Variants in MRPS31 observed in about 807,000 individuals in gnomAD.
The protein encoded by MRPS31 is mitochondrial ribosomal protein S31.
In MRPS31, 32 loss-of-function variants were observed where a neutral mutation model predicts 43.1. The ratio of observed to expected loss-of-function variants is 0.74; its 90% confidence interval spans 0.56 to 1.00. The LOEUF (loss-of-function observed/expected upper bound fraction) is 1.00. Among genes scored for constraint, MRPS31 ranks in the 50% least tolerant of loss-of-function variants. The pLI, the probability that MRPS31 is intolerant of heterozygous loss-of-function variation, is 0.00. For missense variants in MRPS31, 437 were observed against 466.7 expected (o/e 0.94, Z 0.59); for synonymous variants, 165 against 161.6 (o/e 1.02, Z -0.16).
intron 6 of MRPS31, among the ~76,000 whole-genome samples, chr13:40,733,845 G>A (rs866741265): frequency 7.9e-5 from 12 of 151,572 alleles, no homozygotes; most frequent in Admixed American, 5.9e-4. Context: ...GGTGGTGGGC[G>A]CCTGTATGGG....
chr13:40,739,046 C>T (rs988479479), intron 6 of MRPS31, among the ~76,000 whole-genome samples: 3 of 152,322 alleles, frequency 2.0e-5, no homozygotes, highest in African/African-American at 7.2e-5. Flanking sequence ...ACCCCATTGT[C>T]TCAGCCCAAT....
chr13:40,747,489 C>A (rs1337462840), intron 6 of MRPS31, among the ~76,000 whole-genome samples: 1 of 152,130 alleles, frequency 6.6e-6, no homozygotes, highest in Non-Finnish European at 1.5e-5. Flanking sequence ...TTTTACGTTA[C>A]CCTGATACCT....
At chr13:40,765,587 AGTACCTATTATGG>A (rs1278074136) in intron 2 of MRPS31, among the ~76,000 whole-genome samples, 1 of 152,198 alleles carries the variant, frequency 6.6e-6, no homozygotes, top group African/African-American at 2.4e-5. Context: ...AGGAGGAGGA[AGTACCTATTATGG>A]GTACTGATAG....
At chr13:40,738,357 G>T (rs1879984591) in intron 6 of MRPS31, among the ~76,000 whole-genome samples, 1 of 152,068 alleles carries the variant, frequency 6.6e-6, no homozygotes, top group Non-Finnish European at 1.5e-5. Context: ...TCTACCAGAG[G>T]TACAAGGAGG....
At chr13:40,770,435 C>A (rs1387159701) in intron 1 of MRPS31, among the ~76,000 whole-genome samples, 1 of 152,238 alleles carries the variant, frequency 6.6e-6, no homozygotes, top group African/African-American at 2.4e-5. Context: ...GAAACGATAT[C>A]CTGAGTCTCC....
Position 40,751,072 on chromosome 13 carries a change from G to C in MRPS31, c.815-1791C>G, listed in dbSNP as rs561954483. Among the ~76,000 whole-genome samples the C allele has an allele frequency of 2.0e-5, 3 of 151,866 alleles. No homozygotes were observed. The South Asian group carries it at 6.2e-4, about 32-fold the overall frequency. ...TTATTTTATCTATTTTGCTTTTTCT[G>C]AATCTATTTCTATGAGCCTTTATGT... On this transcript the variant is annotated intron_variant, in intron 5 of 6. Transcript: ENST00000323563.
chr13:40,750,742 T>TTTTATA (rs1171105413), intron 5 of MRPS31, among the ~76,000 whole-genome samples: 2 of 130,850 alleles, frequency 1.5e-5, no homozygotes, highest in East Asian at 2.2e-4. Flanking sequence ...GTATCCCATT[T>TTTTATA]TATATATATA....
chr13:40,729,728 G>T, intron 6 of MRPS31, 127 bp from the exon 7 acceptor site: 4 of 637,794 alleles, frequency 6.3e-6, no homozygotes, highest in Non-Finnish European at 1.0e-5. Context: ...GACCTAGGTT[G>T]CATTTTTTTT....
rs767087446 is a variant in MRPS31 at position 40,771,159 on chromosome 13, A to G, written c.-23T>C. On this transcript the variant is annotated 5_prime_UTR_variant, in exon 1 of 7. Coordinates refer to ENST00000323563, the MANE Select transcript of MRPS31 (RefSeq NM_005830.4). ...CATCGCCGAGACACGAAATGAACCA[A>G]GAACACAACTGAAATGGTGCGTCCC... 8.8e-6 allele frequency: 14 copies of G among 1,583,812 alleles called. No individual in the cohort carries two copies. Among genetic ancestry groups the G allele is most frequent in the East Asian group, 2.3e-5 (1 of 44,260 alleles).
chr13:40,768,185 G>C (rs1229735558), intron 1 of MRPS31, among the ~76,000 whole-genome samples: 1 of 152,184 alleles, frequency 6.6e-6, no homozygotes, highest in Non-Finnish European at 1.5e-5. Context: ...GAATGTGTTA[G>C]TTTCAGTAAG....
At chr13:40,762,185 T>C (rs1032557634) in intron 2 of MRPS31, among the ~76,000 whole-genome samples, 1 of 151,876 alleles carries the variant, frequency 6.6e-6, no homozygotes, top group Non-Finnish European at 1.5e-5. Flanking sequence ...GTAGAGGCGA[T>C]TGTGCCACTG....
rs756758115 is a variant in MRPS31 at position 40,754,101 on chromosome 13, A to G, written c.741-9T>C. On this transcript the variant is annotated splice_polypyrimidine_tract_variant and intron_variant, in intron 4 of 6. Transcript: ENST00000323563. ...CTGTGAATATATTTTTCCTAAGTCC[A>G]AAAAAAGAAAATAACATTTTAATGA... The G allele has an allele frequency of 2.8e-6, 4 of 1,431,244 alleles. No individual in the cohort carries two copies. Among genetic ancestry groups the G allele is most frequent in the East Asian group, 2.3e-5 (1 of 43,174 alleles). The allele number at this position is 1,431,244 out of a possible 1,614,324, so 88.7% of individuals were successfully genotyped here. A position where few individuals can be genotyped will look rare whatever the true frequency, so the allele number is the denominator to read the frequency against.
intron 6 of MRPS31, among the ~76,000 whole-genome samples, chr13:40,738,394 T>C (rs1348342174): frequency 2.6e-5 from 4 of 152,132 alleles, no homozygotes; most frequent in African/African-American, 9.7e-5. Flanking sequence ...TCTGAAATTA[T>C]TCCAATCAAT....
At chr13:40,730,814 C>T (rs1365547423) in intron 6 of MRPS31, among the ~76,000 whole-genome samples, 1 of 152,036 alleles carries the variant, frequency 6.6e-6, no homozygotes, top group Non-Finnish European at 1.5e-5. Context: ...CCTGCCTCGG[C>T]CTCCCAAAGT....
intron 1 of MRPS31, 64 bp downstream of exon 1, chr13:40,770,921 T>A: frequency 6.3e-7 from 1 of 1,599,518 alleles, no homozygotes; most frequent in South Asian, 1.1e-5. Flanking sequence ...CAGCAGGTGG[T>A]AACATCGACC....
intron 6 of MRPS31, among the ~76,000 whole-genome samples, chr13:40,738,215 A>G (rs1879979656): frequency 6.6e-6 from 1 of 151,246 alleles, no homozygotes; most frequent in Non-Finnish European, 1.5e-5. Flanking sequence ...CTTGACACAT[A>G]CACTCTCCCA....
At position 40,749,225 on chromosome 13, in the gene MRPS31, C is replaced by T. The variant is rs150802943; in HGVS notation, c.871G>A (p.Glu291Lys). The part of the protein sequence containing the change: ...EFAKQLATVN[E>K]QPLQNGFEEL... ...TCAAATCCATTCTGAAGGGGTTGTT[C>T]ATTTACTGTGGCTAACTGCTTAGCA... The change falls in exon 6 of 7, where the codon GAA becomes AAA. Residue 291 changes from glutamate to lysine, a missense_variant. Transcript: ENST00000323563. 9.0e-5 allele frequency: 144 copies of T among 1,600,738 alleles called. No homozygotes were observed. In the African/African-American group the frequency reaches 1.7e-3, roughly 19 times the overall value.
intron 6 of MRPS31, among the ~76,000 whole-genome samples, chr13:40,745,211 T>C (rs376237797): frequency 6.6e-6 from 1 of 152,144 alleles, no homozygotes; most frequent in Non-Finnish European, 1.5e-5. Flanking sequence ...CATGAGCCAC[T>C]GCGCCCGGCC....
intron 6 of MRPS31, among the ~76,000 whole-genome samples, chr13:40,730,451 A>G (rs1355685175): frequency 6.6e-6 from 1 of 152,162 alleles, no homozygotes; most frequent in Non-Finnish European, 1.5e-5. Context: ...TTTGAACCCA[A>G]GAGGCAAAGG....
Sources: gnomAD v4.1 joint callset for allele counts (sites outside exome capture counted in the v4.1 genomes callset) on GRCh38, gnomAD v4.1.1 for gene constraint, MANE v1.5 for transcripts, NCBI Gene and HGNC (gene_info 2026-07-23, HGNC 2026-07-21) for gene names.